The following CHRNA7 variants were observed in gnomAD, a reference collection of about 807,000 sequenced individuals.
CHRNA7 encodes neuronal acetylcholine receptor subunit alpha-7.
Under a neutral mutation model 48.0 loss-of-function variants are expected in CHRNA7, and 17 were observed. That is an observed-to-expected ratio of 0.35 (90% CI 0.24 to 0.53). The LOEUF (loss-of-function observed/expected upper bound fraction) is 0.53, where lower values mean the gene tolerates loss of function less well. CHRNA7 is among the 20% of genes least tolerant of loss of function. The pLI, the probability that CHRNA7 is intolerant of heterozygous loss-of-function variation, is 0.92. For synonymous variants in CHRNA7, 75 were observed against 242.3 expected (o/e 0.31, Z 6.41); for missense variants, 155 against 577.7 (o/e 0.27, Z 7.50).
At chr15:32,052,173 A>T (rs2049698598) in intron 2 of CHRNA7, among the ~76,000 whole-genome samples, 1 of 148,414 alleles carries the variant, frequency 6.7e-6, no homozygotes, top group Non-Finnish European at 1.5e-5. Context: ...CTGCTCTATT[A>T]GTATTCTGGT....
At chr15:32,074,563 A>G (rs1030457150) in intron 2 of CHRNA7, among the ~76,000 whole-genome samples, 1 of 150,720 alleles carries the variant, frequency 6.6e-6, no homozygotes, top group Admixed American at 6.6e-5. Context: ...GACTTTTTTG[A>G]GTTTTATAAT....
rs10638387 is a variant in CHRNA7 at position 32,044,253 on chromosome 15, CTCCT to C, written c.195+13247_195+13250del. ...TGTTGCCAGATCGATCGATCTTTTC[CTCCT>C]TCCTTCCTTCCTTCCTTCCTTCCTT... On this transcript the variant is annotated intron_variant, in intron 2 of 9. Coordinates refer to ENST00000306901, the MANE Select transcript of CHRNA7 (RefSeq NM_000746.6). Among the ~76,000 whole-genome samples, 371 of 141,020 alleles carry C rather than the reference CTCCT, an allele frequency of 2.6e-3. 4 individuals are homozygous for C. Among genetic ancestry groups the C allele is most frequent in the East Asian group, 0.018 (83 of 4,742 alleles). The allele number at this position is 141,020 out of a possible 152,430, so 92.5% of individuals were successfully genotyped here.
In CHRNA7 at chr15:32,149,363, T is replaced by C. The variant is rs2051569299; in HGVS notation, c.351-4544T>C. On this transcript the variant is annotated intron_variant, in intron 4 of 9. Transcript: ENST00000306901. This position sits in a 1 kb window ranked among gnomAD's most constrained non-coding sequence, Gnocchi z 4.6. ...ACTGTTGGCTGGCATCTGTCGGGCA[T>C]CCCCGGGGAAGCTGCGCCGGTGCTG... Among the ~76,000 whole-genome samples, 1 of 152,134 alleles carries C rather than the reference T, an allele frequency of 6.6e-6. No homozygotes were observed. Among genetic ancestry groups the C allele is most frequent in the Non-Finnish European group, 1.5e-5 (1 of 68,036 alleles).
intron 4 of CHRNA7, among the ~76,000 whole-genome samples, chr15:32,128,688 A>G (rs1440942272): frequency 1.3e-5 from 2 of 151,740 alleles, no homozygotes; most frequent in African/African-American, 4.8e-5. Flanking sequence ...TGGATTTTCC[A>G]CATAGACCAT....
intron 2 of CHRNA7, among the ~76,000 whole-genome samples, chr15:32,066,167 A>C (rs2049962901): frequency 6.6e-6 from 1 of 152,274 alleles, no homozygotes; most frequent in Admixed American, 6.5e-5. Context: ...GTGAGTATAC[A>C]CAACAAAAGA....
intron 4 of CHRNA7, among the ~76,000 whole-genome samples, chr15:32,152,213 T>TA (rs1555389134): frequency 2.6e-5 from 4 of 151,884 alleles, no homozygotes; most frequent in African/African-American, 9.7e-5. Context: ...AGAGGCTAAG[T>TA]GGGGGTGGAT....
chr15:32,032,909 T>C (rs1403651032), intron 2 of CHRNA7, among the ~76,000 whole-genome samples: 1 of 152,208 alleles, frequency 6.6e-6, no homozygotes, highest in Non-Finnish European at 1.5e-5. Context: ...ACCAAGTTAT[T>C]ATGAGGAGCT....
At chr15:32,071,964 G>T (rs7171771) in intron 2 of CHRNA7, among the ~76,000 whole-genome samples, 11,757 of 152,176 alleles carry the variant, frequency 0.077, 584 homozygotes, top group East Asian at 0.13. Flanking sequence ...TTTTGGAACT[G>T]GGTATGGGCA....
intron 4 of CHRNA7, among the ~76,000 whole-genome samples, chr15:32,126,408 CT>C (rs2051067282): frequency 6.6e-6 from 1 of 152,132 alleles, no homozygotes; most frequent in Non-Finnish European, 1.5e-5. Flanking sequence ...TTTATCTTGG[CT>C]TTGTTGAACT....
intron 2 of CHRNA7, among the ~76,000 whole-genome samples, chr15:32,090,028 G>A (rs2050358374): frequency 6.6e-6 from 1 of 152,172 alleles, no homozygotes; most frequent in Non-Finnish European, 1.5e-5. Context: ...TTGGTGGGGT[G>A]GTAGGTGGGG....
At chr15:32,080,963 A>C (rs1156346461) in intron 2 of CHRNA7, among the ~76,000 whole-genome samples, 2 of 152,242 alleles carry the variant, frequency 1.3e-5, no homozygotes, top group Non-Finnish European at 2.9e-5. Flanking sequence ...GAGCCATAAA[A>C]AGAAATGAGA....
At chr15:32,050,097 C>G (rs1310260638) in intron 2 of CHRNA7, among the ~76,000 whole-genome samples, 1 of 152,128 alleles carries the variant, frequency 6.6e-6, no homozygotes, top group South Asian at 2.1e-4. Flanking sequence ...TTCATTTCCA[C>G]TTTGGTGAAT....
intron 4 of CHRNA7, among the ~76,000 whole-genome samples, chr15:32,114,122 A>G (rs1441181128): frequency 2.7e-5 from 4 of 146,928 alleles, no homozygotes; most frequent in African/African-American, 1.0e-4. Flanking sequence ...ACATACATAC[A>G]TATACATACA....
intron 2 of CHRNA7, among the ~76,000 whole-genome samples, chr15:32,059,505 C>A (rs919885088): frequency 6.6e-6 from 1 of 152,102 alleles, no homozygotes; most frequent in Non-Finnish European, 1.5e-5. Flanking sequence ...TTAATCATTT[C>A]TTCTATTTCC....
chr15:32,143,894 A>T (rs1000875904), intron 4 of CHRNA7, among the ~76,000 whole-genome samples: 4 of 152,196 alleles, frequency 2.6e-5, no homozygotes, highest in Non-Finnish European at 5.9e-5. Flanking sequence ...TGTGTCTTTT[A>T]ATTGGGGCAT....
intron 4 of CHRNA7, among the ~76,000 whole-genome samples, chr15:32,115,061 T>G (rs1260914776): frequency 6.6e-6 from 1 of 152,222 alleles, no homozygotes; most frequent in Non-Finnish European, 1.5e-5. Flanking sequence ...AAGGAGAGGC[T>G]GCTGGGACTC....
intron 2 of CHRNA7, among the ~76,000 whole-genome samples, chr15:32,053,685 T>C (rs912307443): frequency 6.6e-6 from 1 of 152,192 alleles, no homozygotes; most frequent in Non-Finnish European, 1.5e-5. Context: ...AGCTTGAAGA[T>C]ACCGCAGAGG....
intron 2 of CHRNA7, chr15:32,099,330 T>TTCC (rs1437037413): frequency 6.6e-6 from 1 of 152,150 alleles, no homozygotes; most frequent in Non-Finnish European, 1.5e-5. Flanking sequence ...GGGAGCATGG[T>TTCC]TCCTCATGCC....
chr15:32,059,944 C>CA (rs34200550), intron 2 of CHRNA7, among the ~76,000 whole-genome samples: 343 of 33,078 alleles, frequency 0.01, 40 homozygotes, highest in African/African-American at 0.027. Flanking sequence ...AGTAGAAAAG[C>CA]AAAAAAAAAA....
Sources: gnomAD v4.1 joint callset for allele counts (sites outside exome capture counted in the v4.1 genomes callset) on GRCh38, gnomAD v4.1.1 for gene constraint, Gnocchi (gnomAD v3.1) non-coding constraint, MANE v1.5 for transcripts, NCBI Gene and HGNC (gene_info 2026-07-23, HGNC 2026-07-21) for gene names.